RAB3B: variants seen among roughly 807,000 people sequenced by gnomAD.
The protein encoded by RAB3B is RAB3B, member RAS oncogene family.
RAB3B carries 11 observed loss-of-function variants against 20.5 expected under a neutral mutation model. The observed-to-expected ratio is 0.54, with a 90% CI of 0.34 to 0.89. The LOEUF is 0.89. Among genes scored for constraint, RAB3B ranks in the 40% least tolerant of loss-of-function variants. The pLI is 0.02. For missense variants in RAB3B, 225 were observed against 280.9 expected, an observed-to-expected ratio of 0.80 and a Z score of 1.42; for synonymous variants, 99 against 106.3, an observed-to-expected ratio of 0.93 and a Z score of 0.42.
chr1:51,985,031 G>A (rs1032729471), intron 1 of RAB3B, among the ~76,000 whole-genome samples: 3 of 152,136 alleles, frequency 2.0e-5, no homozygotes, highest in African/African-American at 7.2e-5. Context: ...GAATTCTTAG[G>A]TAAGTCATAT....
At chr1:51,932,527 G>A (rs1684340555) in intron 4 of RAB3B, among the ~76,000 whole-genome samples, 1 of 152,136 alleles carries the variant, frequency 6.6e-6, no homozygotes, top group Non-Finnish European at 1.5e-5. Flanking sequence ...ATCAAAATAT[G>A]TTAAGCTTGG....
At chr1:51,961,122 C>G (rs906281593) in intron 2 of RAB3B, among the ~76,000 whole-genome samples, 6 of 152,196 alleles carry the variant, frequency 3.9e-5, no homozygotes, top group Non-Finnish European at 7.3e-5. Context: ...CCCCCAACCA[C>G]TCCTTTCACC....
Position 51,917,282 on chromosome 1 carries a change from T to C in RAB3B, c.*2645A>G. On this transcript the variant is annotated 3_prime_UTR_variant, in exon 5 of 5. Transcript: ENST00000371655. Reference sequence around the variant, plus strand: ...GATGCCAATCCTGATCTCTCAGGTTTGTTTGGTGGATCAACTGAAATGGTG... The same window carrying C: ...GATGCCAATCCTGATCTCTCAGGTTCGTTTGGTGGATCAACTGAAATGGTG... 6.6e-6 allele frequency: 1 copy of C among 152,110 alleles called. No individual in the cohort carries two copies. Among genetic ancestry groups the C allele is most frequent in the Non-Finnish European group, 1.5e-5 (1 of 68,050 alleles). 9.4% of individuals were successfully genotyped at this position (152,110 alleles called of 1,614,324 possible). A position where few individuals can be genotyped will look rare whatever the true frequency, so the allele number is the denominator to read the frequency against.
intron 1 of RAB3B, among the ~76,000 whole-genome samples, chr1:51,985,867 AT>A (rs1440598569): frequency 4.6e-5 from 7 of 151,174 alleles, no homozygotes; most frequent in Admixed American, 2.6e-4. Context: ...AAAAAAAAAA[AT>A]TGAGGCTCTG....
intron 2 of RAB3B, among the ~76,000 whole-genome samples, chr1:51,972,851 C>T (rs1275720732): frequency 6.6e-6 from 1 of 152,212 alleles, no homozygotes; most frequent in Non-Finnish European, 1.5e-5. Context: ...ACACTTAGTT[C>T]AGCCCCATAT....
chr1:51,959,269 C>T (rs1252810664), intron 2 of RAB3B, among the ~76,000 whole-genome samples: 2 of 152,140 alleles, frequency 1.3e-5, no homozygotes, highest in Non-Finnish European at 2.9e-5. Flanking sequence ...CCTGTAATCT[C>T]AGCACTTTAG....
chr1:51,970,046 G>A (rs750968367), intron 2 of RAB3B, among the ~76,000 whole-genome samples: 4 of 151,036 alleles, frequency 2.6e-5, no homozygotes, highest in Non-Finnish European at 4.4e-5. Flanking sequence ...CTCCAGCCTG[G>A]GAAACAGAGT....
At chr1:51,938,442 C>T (rs185410262) in intron 2 of RAB3B, among the ~76,000 whole-genome samples, 1 of 151,968 alleles carries the variant, frequency 6.6e-6, no homozygotes. Flanking sequence ...ACAGTGAAAA[C>T]ATATCATCAA....
chr1:51,933,330 C>T lies in RAB3B; in HGVS notation c.460G>A (p.Ala154Thr). ...VVPTEKGQLLAEQLGFDFFEA... is the reference protein window; with the variant it reads ...VVPTEKGQLLTEQLGFDFFEA... ...GTCATGTACATACCAAGCTGCTCTG[C>T]AAGGAGCTGGCCCTTCTCAGTGGGA... The change falls in exon 4 of 5, where the codon GCA becomes ACA. Residue 154 changes from alanine (A) to threonine (T), a missense_variant. Physicochemically the swap from Ala to Thr is moderately conservative, Grantham distance 58 (BLOSUM62 0). Transcript: ENST00000371655. 10 of 1,613,984 alleles carry T rather than the reference C, an allele frequency of 6.2e-6. No homozygotes were observed. The highest frequency in any genetic ancestry group is 1.1e-5 in the South Asian group (1 of 91,044).
chr1:51,987,413 G>A (rs1438876733), intron 1 of RAB3B, among the ~76,000 whole-genome samples: 2 of 152,124 alleles, frequency 1.3e-5, no homozygotes, highest in African/African-American at 2.4e-5. Context: ...TCATAAAATG[G>A]CTTCCTGGCA....
chr1:51,959,451 G>T (rs767292531), intron 2 of RAB3B, among the ~76,000 whole-genome samples: 1 of 152,196 alleles, frequency 6.6e-6, no homozygotes, highest in Non-Finnish European at 1.5e-5. Context: ...GGTCGAGGCT[G>T]CAGTGAGCCA....
chr1:51,936,605 T>C (rs747420038), intron 3 of RAB3B, among the ~76,000 whole-genome samples: 4 of 152,158 alleles, frequency 2.6e-5, no homozygotes, highest in Admixed American at 6.5e-5. Flanking sequence ...TTCTCACCTT[T>C]GCACATCTGT....
At chr1:51,967,500 TTTTTC>T (rs201259314) in intron 2 of RAB3B, among the ~76,000 whole-genome samples, 5 of 132,312 alleles carry the variant, frequency 3.8e-5, no homozygotes, top group African/African-American at 1.4e-4. Flanking sequence ...GGTATTTTCC[TTTTTC>T]TTTTCTTTTC....
chr1:51,925,678 C>T (rs954269178), intron 4 of RAB3B, among the ~76,000 whole-genome samples: 7 of 152,200 alleles, frequency 4.6e-5, no homozygotes, highest in African/African-American at 1.7e-4. Context: ...CCCAGAGAAG[C>T]TTCACTTTTT....
At chr1:51,934,044 C>A (rs1234083059) in intron 3 of RAB3B, among the ~76,000 whole-genome samples, 1 of 152,196 alleles carries the variant, frequency 6.6e-6, no homozygotes, top group African/African-American at 2.4e-5. Context: ...CCTCACTGGG[C>A]AGAGAGGTCT....
chr1:51,933,364 C>T lies in RAB3B; in HGVS notation c.426G>A (p.Glu142=). ...GGCCCTTCTCAGTGGGAACAACCCT[C>T]TCTTCCTCCATGTCACACTTGTTCC... The part of the protein sequence containing the change: ...LVGNKCDMEE[E]RVVPTEKGQL... The change falls in exon 4 of 5, where the codon GAG becomes GAA. Residue 142 remains glutamate, a synonymous_variant. Transcript: ENST00000371655. 6.2e-7 allele frequency: 1 copy of T among 1,614,106 alleles called. No homozygotes were observed. The highest frequency in any genetic ancestry group is 1.1e-5 in the South Asian group (1 of 91,072).
At chr1:51,926,457 T>C (rs1684245458) in intron 4 of RAB3B, among the ~76,000 whole-genome samples, 2 of 152,194 alleles carry the variant, frequency 1.3e-5, no homozygotes, top group African/African-American at 4.8e-5. Context: ...TGGGCAGAAG[T>C]GATGTGATCC....
At chr1:51,937,502 A>ATT (rs370327791) in intron 2 of RAB3B, 90 bp from the exon 3 acceptor site, 169 of 705,436 alleles carry the variant, frequency 2.4e-4, no homozygotes, top group African/African-American at 3.6e-4. Context: ...AACCCAAGAC[A>ATT]TTTTTTTTTT....
intron 1 of RAB3B, among the ~76,000 whole-genome samples, chr1:51,989,315 C>T (rs946994875): frequency 2.7e-5 from 4 of 150,684 alleles, no homozygotes; most frequent in Admixed American, 1.3e-4. Flanking sequence ...CCAAAGGCTG[C>T]TGCCCTGCCC....
Sources: allele counts gnomAD v4.1 joint callset (sites outside exome capture counted in the v4.1 genomes callset), GRCh38; gene constraint gnomAD v4.1.1; transcripts MANE v1.5; gene names NCBI Gene and HGNC (gene_info 2026-07-23, HGNC 2026-07-21).